Variants in SNTG2 observed in about 807,000 individuals in gnomAD.
SNTG2 encodes the protein gamma-2-syntrophin.
SNTG2 carries 74 observed loss-of-function variants against 70.9 expected under a neutral mutation model. The ratio of observed to expected loss-of-function variants is 1.04; its 90% confidence interval spans 0.86 to 1.27. SNTG2 has a LOEUF of 1.27. SNTG2 is among the 50% of genes most tolerant of loss of function. SNTG2 has a pLI of 0.00. For synonymous variants in SNTG2, 278 were observed against 273.8 expected (o/e 1.02, Z -0.15); for missense variants, 717 against 690.7 (o/e 1.04, Z -0.43).
chr2:981,612 CATATGCAT>C lies in SNTG2; in HGVS notation c.72+30548_72+30555del, dbSNP rs758460379. Among the ~76,000 whole-genome samples the C allele has an allele frequency of 1.6e-3, 240 of 152,280 alleles. 4 individuals are homozygous for C. In the South Asian group the frequency reaches 0.018, roughly 12 times the overall value. ...ACATGCCTGTGCCCACACATATGCA[CATATGCAT>C]ATACACACAGGTGCACAGACGTGTG... On this transcript the variant is annotated intron_variant, in intron 1 of 16. Coordinates refer to ENST00000308624, the MANE Select transcript of SNTG2 (RefSeq NM_018968.4).
At chr2:1,130,265 A>G (rs1030695862) in intron 4 of SNTG2, among the ~76,000 whole-genome samples, 8 of 152,242 alleles carry the variant, frequency 5.3e-5, no homozygotes, top group Admixed American at 2.0e-4. Context: ...AAGTGACAAC[A>G]TAATTTTTTG....
At chr2:1,021,042 C>G (rs1263254539) in intron 1 of SNTG2, among the ~76,000 whole-genome samples, 1 of 151,986 alleles carries the variant, frequency 6.6e-6, no homozygotes, top group Non-Finnish European at 1.5e-5. Context: ...ACTGTGGTTC[C>G]TCTTAAAATG....
intron 14 of SNTG2, among the ~76,000 whole-genome samples, chr2:1,291,274 G>T (rs769519948): frequency 7.9e-5 from 12 of 152,154 alleles, no homozygotes; most frequent in Non-Finnish European, 1.6e-4. Context: ...ATAGATATAT[G>T]ATTTACAAAC....
chr2:963,451 A>C (rs2147947945), intron 1 of SNTG2, among the ~76,000 whole-genome samples: 2 of 152,294 alleles, frequency 1.3e-5, no homozygotes, highest in South Asian at 4.1e-4. Context: ...CGAGCAAGTC[A>C]GTTTCCACGC....
intron 1 of SNTG2, among the ~76,000 whole-genome samples, chr2:1,081,025 A>G (rs543532596): frequency 9.9e-5 from 15 of 152,040 alleles, no homozygotes; most frequent in Non-Finnish European, 2.1e-4. Flanking sequence ...CAGGAGAAGC[A>G]AGGAGAGAGA....
intron 14 of SNTG2, among the ~76,000 whole-genome samples, chr2:1,283,919 A>G (rs1287060095): frequency 6.6e-6 from 1 of 152,232 alleles, no homozygotes; most frequent in Non-Finnish European, 1.5e-5. Context: ...AAACAGGGCT[A>G]GAACATTGGT....
rs145491901 is a variant in SNTG2 at position 1,348,475 on chromosome 2, C to A, written c.1489-18868C>A. Among the ~76,000 whole-genome samples the A allele has an allele frequency of 3.9e-4, 60 of 152,348 alleles. No individual in the cohort carries two copies. The East Asian group carries it at 0.011, about 29-fold the overall frequency. ...AAATAAGAACTGTGGTCTCCACAAT[C>A]CTTTATCTTAACCCAGACATTCCTT... On this transcript the variant is annotated intron_variant, in intron 16 of 16. Transcript: ENST00000308624.
chr2:1,069,013 C>T (rs1292171508), intron 1 of SNTG2, among the ~76,000 whole-genome samples: 2 of 152,184 alleles, frequency 1.3e-5, no homozygotes, highest in African/African-American at 2.4e-5. Flanking sequence ...ATTTGAAAGA[C>T]GGAATTTGTA....
intron 1 of SNTG2, among the ~76,000 whole-genome samples, chr2:995,331 T>C (rs1345021869): frequency 6.6e-6 from 1 of 152,138 alleles, no homozygotes; most frequent in Non-Finnish European, 1.5e-5. Context: ...CATATGATTT[T>C]GTCTTTTATT....
At chr2:1,239,629 A>T in intron 10 of SNTG2, 109 bp from the exon 11 acceptor site, 1 of 1,111,698 alleles carries the variant, frequency 9.0e-7, no homozygotes, top group South Asian at 1.4e-5. Context: ...GTCATTAAAG[A>T]GGCCTGTTTC....
chr2:1,106,088 C>T (rs560908821), intron 4 of SNTG2, among the ~76,000 whole-genome samples: 3 of 135,500 alleles, frequency 2.2e-5, no homozygotes, highest in Admixed American at 1.5e-4. Context: ...TGCTGTCACT[C>T]GGGTGCAGGG....
intron 1 of SNTG2, among the ~76,000 whole-genome samples, chr2:969,968 T>C (rs1282124579): frequency 6.6e-6 from 1 of 152,218 alleles, no homozygotes; most frequent in African/African-American, 2.4e-5. Flanking sequence ...TTCCAGCTTT[T>C]GTCCATTCAG....
chr2:1,029,201 C>T (rs890099783), intron 1 of SNTG2, among the ~76,000 whole-genome samples: 2 of 152,268 alleles, frequency 1.3e-5, no homozygotes, highest in South Asian at 2.1e-4. Context: ...AGAATTGGTA[C>T]GTTACCAAAA....
chr2:1,094,002 GT>G (rs1229870873), intron 2 of SNTG2, among the ~76,000 whole-genome samples: 11 of 89,632 alleles, frequency 1.2e-4, no homozygotes, highest in African/African-American at 5.1e-4. Context: ...GGCCTTATAG[GT>G]GTGTCCTCAT....
intron 13 of SNTG2, among the ~76,000 whole-genome samples, chr2:1,264,607 A>G (rs933308230): frequency 6.6e-6 from 1 of 152,248 alleles, no homozygotes; most frequent in Admixed American, 6.5e-5. Context: ...CAGACCATTC[A>G]TCTCATAAAC....
intron 7 of SNTG2, among the ~76,000 whole-genome samples, chr2:1,165,996 T>G (rs1041673204): frequency 2.0e-5 from 3 of 152,174 alleles, no homozygotes; most frequent in Non-Finnish European, 4.4e-5. Flanking sequence ...AAATTTTCAG[T>G]GCAAAAAATG....
intron 16 of SNTG2, among the ~76,000 whole-genome samples, chr2:1,333,787 T>G (rs577585231): frequency 1.3e-5 from 2 of 152,228 alleles, no homozygotes; most frequent in African/African-American, 4.8e-5. Flanking sequence ...AAAAATCAAC[T>G]GAGGATGGAT....
chr2:1,220,926 G>A (rs1055814380), intron 9 of SNTG2, among the ~76,000 whole-genome samples: 1 of 152,214 alleles, frequency 6.6e-6, no homozygotes, highest in Non-Finnish European at 1.5e-5. Context: ...GACTACCTAA[G>A]GTAGCTCTCC....
intron 1 of SNTG2, among the ~76,000 whole-genome samples, chr2:1,026,526 G>A (rs1428862707): frequency 6.6e-6 from 1 of 152,202 alleles, no homozygotes; most frequent in South Asian, 2.1e-4. Flanking sequence ...AGGAAAAAAA[G>A]TGAGGGAGAT....
Sources: gnomAD v4.1 joint callset for allele counts (sites outside exome capture counted in the v4.1 genomes callset) on GRCh38, gnomAD v4.1.1 for gene constraint, MANE v1.5 for transcripts, NCBI Gene and HGNC (gene_info 2026-07-23, HGNC 2026-07-21) for gene names.